The following HIVEP3 variants were observed in gnomAD, a reference collection of about 807,000 sequenced individuals.
HIVEP3 encodes HIVEP zinc finger 3.
A neutral mutation model predicts 152.8 loss-of-function variants in HIVEP3; 49 were observed. The observed-to-expected ratio is 0.32, with a 90% CI of 0.26 to 0.41. The LOEUF is 0.41. HIVEP3 is among the 10% of genes least tolerant of loss of function. The pLI is 1.00. For missense variants in HIVEP3, 2,790 were observed against 3,103.3 expected (o/e 0.90, Z 2.40); for synonymous variants, 1,269 against 1,289.0 (o/e 0.98, Z 0.33).
At chr1:41,912,416 G>T (rs1448923298) in intron 1 of HIVEP3, among the ~76,000 whole-genome samples, 1 of 152,138 alleles carries the variant, frequency 6.6e-6, no homozygotes, top group Non-Finnish European at 1.5e-5. Flanking sequence ...ATATCAAATT[G>T]CTGCAGTTCC....
intron 1 of HIVEP3, among the ~76,000 whole-genome samples, chr1:41,863,899 A>C (rs1643921263): frequency 6.6e-6 from 1 of 152,212 alleles, no homozygotes; most frequent in Non-Finnish European, 1.5e-5. Context: ...GAAATGAGCA[A>C]ATACATCCAG....
intron 1 of HIVEP3, among the ~76,000 whole-genome samples, chr1:41,931,626 GTTCT>G (rs1644996236): frequency 6.6e-6 from 1 of 151,914 alleles, no homozygotes; most frequent in African/African-American, 2.4e-5. Flanking sequence ...TTATTTTACT[GTTCT>G]TTAATTGCTT....
Position 42,013,542 on chromosome 1 carries a change from A to T in HIVEP3, n.119+22265T>A, listed in dbSNP as rs911069347. 3.3e-5 allele frequency among the ~76,000 whole-genome samples: 5 copies of T among 152,250 alleles called. No homozygotes were observed. The East Asian group carries it at 9.6e-4, about 29-fold the overall frequency. ...TTTATCTTTACATTCCTATTATAACAGTCCAAATGCTTCCAGCAATGAATT... is the reference window on the plus strand; with the variant it reads ...TTTATCTTTACATTCCTATTATAACTGTCCAAATGCTTCCAGCAATGAATT... On this transcript the variant is annotated intron_variant and non_coding_transcript_variant, in intron 1 of 3. Transcript: ENST00000489103.
intron 2 of HIVEP3, among the ~76,000 whole-genome samples, chr1:41,672,372 C>T (rs557979116): frequency 2.0e-5 from 3 of 152,342 alleles, no homozygotes; most frequent in Non-Finnish European, 4.4e-5. Flanking sequence ...TCTGAATCCC[C>T]AGTTCCCATG....
chr1:41,855,518 A>C (rs1462611254), intron 1 of HIVEP3, among the ~76,000 whole-genome samples: 2 of 152,138 alleles, frequency 1.3e-5, no homozygotes, highest in Non-Finnish European at 2.9e-5. Context: ...AAAAACAAAC[A>C]ACCCCATCAA....
chr1:41,876,523 G>A (rs1171035855), intron 1 of HIVEP3, among the ~76,000 whole-genome samples: 1 of 152,094 alleles, frequency 6.6e-6, no homozygotes, highest in Non-Finnish European at 1.5e-5. Context: ...AACAGTGCCT[G>A]GCCTATAGAC....
chr1:41,972,237 C>T (rs1173960076), intron 1 of HIVEP3, among the ~76,000 whole-genome samples: 3 of 152,204 alleles, frequency 2.0e-5, no homozygotes, highest in Non-Finnish European at 4.4e-5. Flanking sequence ...CGTCTTTCCA[C>T]CTCCCCTCTG....
intron 1 of HIVEP3, among the ~76,000 whole-genome samples, chr1:41,893,048 G>A (rs749907186): frequency 1.2e-4 from 18 of 148,462 alleles, no homozygotes; most frequent in East Asian, 5.9e-4. Context: ...GCTAGTGCCC[G>A]CAAGGTTGAG....
rs1372209511 is a variant in HIVEP3, at chr1:41,582,688, C to T, written c.2110G>A (p.Gly704Arg). 10 of 1,613,996 alleles carry T rather than the reference C, an allele frequency of 6.2e-6. No homozygotes were observed. The highest frequency in any genetic ancestry group is 1.3e-5 in the African/African-American group (1 of 74,888). The change falls in exon 4 of 9, where the codon GGA becomes AGA. Residue 704 changes from glycine (G) to arginine (R), a missense_variant. Gly to Arg is a moderately radical substitution (Grantham distance 125, BLOSUM62 -2). Coordinates refer to ENST00000372583, the MANE Select transcript of HIVEP3 (RefSeq NM_024503.5). The surrounding 1 kb of genome is among the most constrained non-coding windows in gnomAD (Gnocchi z 4.7). ...PWSQMMHYKL[G>R]TTLELTPLRK... is the part of the protein sequence containing the mutation. ...AGTGGAGTGAGTTCCAGGGTGGTTC[C>T]CAGTTTGTAATGCATCATTTGGGAC...
intron 1 of HIVEP3, among the ~76,000 whole-genome samples, chr1:41,798,381 T>C (rs1447498013): frequency 3.3e-5 from 5 of 152,072 alleles, no homozygotes; most frequent in Non-Finnish European, 5.9e-5. Context: ...TTCCTAACCA[T>C]ACCTGGAGGG....
At chr1:41,963,041 T>A (rs1393659349) in intron 1 of HIVEP3, among the ~76,000 whole-genome samples, 1 of 152,218 alleles carries the variant, frequency 6.6e-6, no homozygotes, top group Non-Finnish European at 1.5e-5. Context: ...AGACGGAGTC[T>A]CGCTCTGTCA....
At chr1:41,647,689 ACCT>A (rs1030843267) in intron 2 of HIVEP3, among the ~76,000 whole-genome samples, 4 of 152,108 alleles carry the variant, frequency 2.6e-5, no homozygotes, top group African/African-American at 9.7e-5. Context: ...GGGCCTGGTC[ACCT>A]CATTTCCACA....
intron 5 of HIVEP3, among the ~76,000 whole-genome samples, chr1:41,540,342 C>A (rs1643498304): frequency 6.6e-6 from 1 of 152,220 alleles, no homozygotes; most frequent in Admixed American, 6.5e-5. Context: ...GGTGTCAGCA[C>A]CATGAAGGCC....
At position 41,544,188 on chromosome 1, in the gene HIVEP3, A is replaced by G. The variant is rs534842101; in HGVS notation, c.5208-19278T>C. On this transcript the variant is annotated intron_variant, in intron 5 of 8. Coordinates refer to ENST00000372583, the MANE Select transcript of HIVEP3 (RefSeq NM_024503.5). The stretch of plus-strand genomic sequence containing the variant: ...TAACTGGACCCCACACTGCTCAGCC[A>G]TTTTCTGCATGGGATAGACAGCAGC... 496 of 152,148 alleles carry G rather than the reference A, an allele frequency of 3.3e-3. 4 individuals carry two copies. Among genetic ancestry groups the G allele is most frequent in the Non-Finnish European group, 4.9e-3 (334 of 68,058 alleles). 9.4% of individuals were successfully genotyped at this position (152,148 alleles called of 1,614,324 possible). A position where few individuals can be genotyped will look rare whatever the true frequency, so the allele number is the denominator to read the frequency against.
chr1:41,766,656 G>C (rs1648027555), intron 1 of HIVEP3, among the ~76,000 whole-genome samples: 1 of 152,196 alleles, frequency 6.6e-6, no homozygotes, highest in African/African-American at 2.4e-5. Context: ...GTGCCGCTGG[G>C]CACATCTGGA....
chr1:41,655,562 G>C (rs905360700), intron 2 of HIVEP3, among the ~76,000 whole-genome samples: 14 of 119,418 alleles, frequency 1.2e-4, no homozygotes, highest in Non-Finnish European at 1.9e-4. Flanking sequence ...CAGCCTGAGT[G>C]ACAGAGTGAC....
chr1:41,732,513 G>T (rs989300931), intron 1 of HIVEP3, among the ~76,000 whole-genome samples: 3 of 152,092 alleles, frequency 2.0e-5, no homozygotes, highest in Non-Finnish European at 2.9e-5. Context: ...ACTGGGGCTG[G>T]TACTATAGGA....
At chr1:41,619,281 G>C (rs920481432) in intron 3 of HIVEP3, among the ~76,000 whole-genome samples, 2 of 152,300 alleles carry the variant, frequency 1.3e-5, no homozygotes, top group South Asian at 4.1e-4. Flanking sequence ...CGTCCTGACT[G>C]CCTGATTTCA....
chr1:41,555,835 C>T (rs1643957751), intron 5 of HIVEP3, among the ~76,000 whole-genome samples: 1 of 152,220 alleles, frequency 6.6e-6, no homozygotes, highest in South Asian at 2.1e-4. Context: ...TCCTTTCTAT[C>T]TATGGATACG....
Sources: gnomAD v4.1 joint callset for allele counts (sites outside exome capture counted in the v4.1 genomes callset) on GRCh38, gnomAD v4.1.1 for gene constraint, Gnocchi (gnomAD v3.1) non-coding constraint, MANE v1.5 for transcripts, NCBI Gene and HGNC (gene_info 2026-07-23, HGNC 2026-07-21) for gene names.